Variants in PLOD3 observed in about 807,000 individuals in gnomAD.
PLOD3 encodes multifunctional procollagen lysine hydroxylase and glycosyltransferase LH3.
In PLOD3, 73 loss-of-function variants were observed where a neutral mutation model predicts 96.9. The observed-to-expected ratio is 0.75, with a 90% CI of 0.62 to 0.92. The LOEUF (loss-of-function observed/expected upper bound fraction) is 0.92, where lower values mean the gene tolerates loss of function less well. Among genes scored for constraint, PLOD3 ranks in the 40% least tolerant of loss-of-function variants. The pLI, the probability that PLOD3 is intolerant of heterozygous loss-of-function variation, is 0.00. For missense variants in PLOD3, 1,004 were observed against 1,004.3 expected (o/e 1.00, Z 0.00); for synonymous variants, 454 against 413.7 (o/e 1.10, Z -1.18).
In PLOD3 at chr7:101,212,574, G is replaced by T. The variant is rs143194730; in HGVS notation, c.961C>A (p.Leu321Met). The change falls in exon 9 of 19, where the codon CTG (leucine) becomes ATG (methionine). Residue 321 changes from leucine (L) to methionine (M), a missense_variant. By Grantham distance (15) the Leu-to-Met change is conservative. This residue lies in a region of PLOD3 where 690 missense variants were observed against 650.2 expected (regional missense o/e 1.06). Coordinates refer to ENST00000223127, the MANE Select transcript of PLOD3 (RefSeq NM_001084.5). Reference protein sequence around the residue: ...LPRFLQRLLLLDYPPDRVTLF... With the variant: ...LPRFLQRLLLMDYPPDRVTLF... ...GTGACCCTGTCGGGGGGATAGTCCA[G>T]GAGTAGCAGCCGCTGCAGGAAGCGG... 1.4e-5 allele frequency: 23 copies of T among 1,613,932 alleles called. No homozygotes were observed. Among genetic ancestry groups the T allele is most frequent in the Non-Finnish European group, 1.9e-5 (23 of 1,179,904 alleles).
At chr7:101,206,689 A>G in intron 18 of PLOD3, 90 bp downstream of exon 18, 1 of 1,402,142 alleles carries the variant, frequency 7.1e-7, no homozygotes, top group Non-Finnish European at 9.9e-7. Context: ...ATGGGCAGGG[A>G]GGGGAGCTGG....
chr7:101,207,051 C>G, intron 17 of PLOD3, 147 bp from the exon 18 acceptor site: 2 of 922,310 alleles, frequency 2.2e-6, no homozygotes, highest in Admixed American at 2.6e-5. Context: ...TCTTGGCTCA[C>G]TGCAACCTCT....
In PLOD3 at chr7:101,217,438, G is replaced by C. The variant is rs1798297643; in HGVS notation, c.-164C>G. ...TACGCCCTGAAAAAAAGGCGTATCC[G>C]GAGGCTACAGAAAGCTCCAGATGCC... On this transcript the variant is annotated 5_prime_UTR_variant, in exon 1 of 19. Coordinates refer to ENST00000223127, the MANE Select transcript of PLOD3 (RefSeq NM_001084.5). 1.3e-5 allele frequency: 8 copies of C among 610,104 alleles called. No individual in the cohort carries two copies. 37.8% of individuals were successfully genotyped at this position (610,104 alleles called of 1,614,324 possible). A position where few individuals can be genotyped will look rare whatever the true frequency, so the allele number is the denominator to read the frequency against.
rs1798194755 is a variant in PLOD3 at position 101,212,257 on chromosome 7, C to T, written c.1123G>A (p.Ala375Thr). Residue 375 changes from alanine to threonine, a missense_variant, in exon 10 of 19, where the codon GCC becomes ACC. Around this residue, in one of 5 missense-constraint regions of PLOD3, gnomAD observed 690 missense variants for 650.2 expected, o/e 1.06. Coordinates refer to ENST00000223127, the MANE Select transcript of PLOD3 (RefSeq NM_001084.5). Reference sequence around the variant, plus strand: ...TCCCCGCAAGCACCCGCTCACATGGCCATGTCCCTGGCCTCGCCTGGGCTC... The same window carrying T: ...TCCCCGCAAGCACCCGCTCACATGGTCATGTCCCTGGCCTCGCCTGGGCTC... Reference protein sequence around the residue: ...ALSPGEARDMAMDLCRQDPEC... With the variant: ...ALSPGEARDMTMDLCRQDPEC... 9.3e-6 allele frequency: 15 copies of T among 1,612,650 alleles called. No homozygotes were observed. Among genetic ancestry groups the T allele is most frequent in the Non-Finnish European group, 1.3e-5 (15 of 1,179,958 alleles).
At chr7:101,212,679 C>T (rs1472056191) in intron 8 of PLOD3, 24 bp from the exon 9 acceptor site, 11 of 1,612,992 alleles carry the variant, frequency 6.8e-6, no homozygotes, top group Non-Finnish European at 8.5e-6. Context: ...CACGCAGGGA[C>T]TCAGAGAGAA....
Position 101,216,783 on chromosome 7 carries a change from TTC to T in PLOD3, c.111_112del (p.Lys38AlafsTer10), listed in dbSNP as rs1467891855. Reference sequence around the variant, plus strand: ...TGTGGCCACAGTGATCACCAGCAGCTTCTCTGTTACCAGAGGGAAATGGCACT... The same window carrying T: ...TGTGGCCACAGTGATCACCAGCAGCTTCTGTTACCAGAGGGAAATGGCACT... On this transcript the variant is annotated frameshift_variant and splice_region_variant, in exon 2 of 19. Transcript: ENST00000223127. LOFTEE classifies it high-confidence loss of function. 1 of 1,611,274 alleles carries T rather than the reference TTC, an allele frequency of 6.2e-7. No homozygotes were observed.
chr7:101,213,739 C>T (rs937810051), intron 6 of PLOD3, among the ~76,000 whole-genome samples: 1 of 152,104 alleles, frequency 6.6e-6, no homozygotes, highest in East Asian at 1.9e-4. Context: ...ACTCCCAACA[C>T]GCAGGCTGGA....
At chr7:101,215,055 C>A (rs112933746) in intron 6 of PLOD3, 34 bp downstream of exon 6, 1 of 1,519,240 alleles carries the variant, frequency 6.6e-7, no homozygotes, top group Non-Finnish European at 9.1e-7. Context: ...GCAGAGGCTG[C>A]GCATCGCCCA....
chr7:101,209,016 A>T (rs1253591463), intron 15 of PLOD3, 59 bp from the exon 16 acceptor site: 1 of 1,205,194 alleles, frequency 8.3e-7, no homozygotes, highest in Non-Finnish European at 1.2e-6. Context: ...GGAAGGGGAC[A>T]GGCAGCAGGC....
chr7:101,209,901 A>G (rs911016120), intron 15 of PLOD3, 192 bp downstream of exon 15: 31 of 578,496 alleles, frequency 5.4e-5, no homozygotes, highest in South Asian at 2.4e-4. Context: ...ATACAGGAGA[A>G]GAGGCTGTCT....
At chr7:101,216,827 G>T in intron 1 of PLOD3, 41 bp from the exon 2 acceptor site, 1 of 1,368,614 alleles carries the variant, frequency 7.3e-7, no homozygotes, top group Non-Finnish European at 1.0e-6. Flanking sequence ...CCACCGCCCA[G>T]CTCCGGGCCT....
chr7:101,216,587 G>A lies in PLOD3; in HGVS notation c.202-41C>T, dbSNP rs769613909. On this transcript the variant is annotated intron_variant, in intron 2 of 18. Transcript: ENST00000223127. ...CCCCGTGCCAGGCAAGGGGTGGGGA[G>A]TTGTGGGGGGAACTCCTGACCAGGC... The A allele has an allele frequency of 5.6e-6, 9 of 1,613,416 alleles. No individual in the cohort carries two copies. The Admixed American group carries it at 1.5e-4, about 27-fold the overall frequency.
intron 1 of PLOD3, 54 bp from the exon 2 acceptor site, chr7:101,216,840 C>T: frequency 8.1e-7 from 1 of 1,230,246 alleles, no homozygotes; most frequent in Non-Finnish European, 1.2e-6. Flanking sequence ...CCGGGCCTCA[C>T]GTGCTTTGCT....
intron 6 of PLOD3, 46 bp downstream of exon 6, chr7:101,215,043 C>A: frequency 7.1e-7 from 1 of 1,404,482 alleles, no homozygotes; most frequent in African/African-American, 1.4e-5. Context: ...AGACCCCTAG[C>A]TGCAGAGGCT....
At chr7:101,208,997 G>A (rs189462270) in intron 15 of PLOD3, 40 bp from the exon 16 acceptor site, 27 of 1,389,510 alleles carry the variant, frequency 1.9e-5, no homozygotes, top group South Asian at 1.5e-4. Flanking sequence ...AGCTGACGCC[G>A]CAGAACGGGG....
At chr7:101,213,076 G>T in intron 7 of PLOD3, 31 bp downstream of exon 7, 1 of 1,492,026 alleles carries the variant, frequency 6.7e-7, no homozygotes, top group Non-Finnish European at 9.3e-7. Flanking sequence ...TTGGGGCAGG[G>T]CGGGGCGGGG....
chr7:101,210,432 G>A lies in PLOD3; in HGVS notation c.1513C>T (p.His505Tyr). 4 of 1,614,106 alleles carry A rather than the reference G, an allele frequency of 2.5e-6. No individual in the cohort carries two copies. The highest frequency in any genetic ancestry group is 2.5e-6 in the Non-Finnish European group (3 of 1,179,970). The stretch of plus-strand genomic sequence containing the variant: ...CCAAATTCATGCTGATTGCTCAGAT[G>A]GAGGAAGATGCCCTGTAGTGGGGTG... Reference protein sequence around the residue: ...KSFRDKGIFLHLSNQHEFGRL... With the variant: ...KSFRDKGIFLYLSNQHEFGRL... Residue 505 changes from histidine to tyrosine, a missense_variant, in exon 14 of 19, where the codon CAT becomes TAT. By Grantham distance (83) the His-to-Tyr change is moderately conservative. Transcript: ENST00000223127.
In PLOD3 at chr7:101,213,671, T is replaced by C. The variant is rs570475314; in HGVS notation, c.680-467A>G. ...AGCTGAGACTATGGGCACATGCCACTACACCTGGCTAATTTTTGTATTTGT... is the reference window on the plus strand; with the variant it reads ...AGCTGAGACTATGGGCACATGCCACCACACCTGGCTAATTTTTGTATTTGT... On this transcript the variant is annotated intron_variant, in intron 6 of 18. Coordinates refer to ENST00000223127, the MANE Select transcript of PLOD3 (RefSeq NM_001084.5). The C allele has an allele frequency of 2.1e-4, 36 of 168,194 alleles. No individual in the cohort carries two copies. In the South Asian group the frequency reaches 4.8e-3, roughly 22 times the overall value. 10.4% of individuals were successfully genotyped at this position (168,194 alleles called of 1,614,324 possible).
intron 4 of PLOD3, 21 bp downstream of exon 4, chr7:101,216,142 C>G: frequency 6.2e-6 from 10 of 1,614,074 alleles, no homozygotes; most frequent in Non-Finnish European, 8.5e-6. Context: ...GCCCCTCTGC[C>G]TTGGGCACTC....
Sources: gnomAD v4.1 joint callset for allele counts (sites outside exome capture counted in the v4.1 genomes callset) on GRCh38, gnomAD v4.1.1 for gene constraint, gnomAD v4.1.1 regional missense constraint, MANE v1.5 for transcripts, NCBI Gene and HGNC (gene_info 2026-07-23, HGNC 2026-07-21) for gene names.